RAB31: variants seen among roughly 807,000 people sequenced by gnomAD.
The protein encoded by RAB31 is RAB31, member RAS oncogene family.
In RAB31, 21 loss-of-function variants were observed where a neutral mutation model predicts 25.6. That is an observed-to-expected ratio of 0.82 (90% CI 0.58 to 1.18). The LOEUF is 1.18. Among genes scored for constraint, RAB31 ranks in the 50% most tolerant of loss-of-function variants. The pLI, the probability that RAB31 is intolerant of heterozygous loss-of-function variation, is 0.00. For missense variants in RAB31, 196 were observed against 250.1 expected, an observed-to-expected ratio of 0.78 and a Z score of 1.46; for synonymous variants, 87 against 84.0, an observed-to-expected ratio of 1.04 and a Z score of -0.20.
intron 1 of RAB31, among the ~76,000 whole-genome samples, chr18:9,751,072 T>G (rs2068232586): frequency 6.6e-6 from 1 of 152,202 alleles, no homozygotes; most frequent in Non-Finnish European, 1.5e-5. Context: ...TCTCGCATGG[T>G]CACCCGGGCT....
chr18:9,759,337 A>AT (rs987370280), intron 1 of RAB31, among the ~76,000 whole-genome samples: 5 of 151,882 alleles, frequency 3.3e-5, no homozygotes, highest in Non-Finnish European at 4.4e-5. Context: ...TGCCTGGCTA[A>AT]TTTTTTGATT....
chr18:9,797,980 A>T (rs2068495075), intron 3 of RAB31, among the ~76,000 whole-genome samples: 2 of 152,208 alleles, frequency 1.3e-5, no homozygotes, highest in African/African-American at 4.8e-5. Context: ...AAGTTTTCAG[A>T]TGACCATATT....
At chr18:9,728,426 A>C (rs2068105749) in intron 1 of RAB31, among the ~76,000 whole-genome samples, 1 of 152,260 alleles carries the variant, frequency 6.6e-6, no homozygotes, top group African/African-American at 2.4e-5. Flanking sequence ...GATATCTAAA[A>C]AGATATTGCA....
intron 1 of RAB31, among the ~76,000 whole-genome samples, chr18:9,757,731 T>C (rs2068267159): frequency 6.6e-6 from 1 of 152,190 alleles, no homozygotes; most frequent in Non-Finnish European, 1.5e-5. Flanking sequence ...TCAGATCCCC[T>C]TTGGGGAATG....
In RAB31 at chr18:9,833,463, C is replaced by T. The variant is rs895881427; in HGVS notation, c.381-12119C>T. Among the ~76,000 whole-genome samples the T allele has an allele frequency of 3.3e-5, 5 of 152,196 alleles. No homozygotes were observed. In the South Asian group the frequency reaches 8.3e-4, roughly 25 times the overall value. Reference sequence around the variant, plus strand: ...GTTTTCCCTGTAACCAGGTCCTGAACGCCCAGAGCCTCAGCAGAACATCAG... The same window carrying T: ...GTTTTCCCTGTAACCAGGTCCTGAATGCCCAGAGCCTCAGCAGAACATCAG... On this transcript the variant is annotated intron_variant, in intron 5 of 6. Coordinates refer to ENST00000578921, the MANE Select transcript of RAB31 (RefSeq NM_006868.4).
chr18:9,815,159 A>T lies in RAB31; in HGVS notation c.317A>T (p.Glu106Val), dbSNP rs1344412795. ...TLKKWVKELK[E>V]HGPENIVMAI... ...AAGAAATGGGTCAAGGAGCTGAAAG[A>T]ACATGGTCCAGAAAACATTGTAATG... Residue 106 changes from glutamate to valine, a missense_variant, in exon 5 of 7, where the codon GAA becomes GTA. Coordinates refer to ENST00000578921, the MANE Select transcript of RAB31 (RefSeq NM_006868.4). The T allele has an allele frequency of 6.4e-7, 1 of 1,557,122 alleles. No homozygotes were observed. Among genetic ancestry groups the T allele is most frequent in the Non-Finnish European group, 8.7e-7 (1 of 1,149,272 alleles).
intron 1 of RAB31, chr18:9,723,468 T>C (rs950153067): frequency 6.6e-6 from 1 of 152,222 alleles, no homozygotes; most frequent in Non-Finnish European, 1.5e-5. Context: ...TAAAAATACC[T>C]CTATTTAAAA....
At chr18:9,778,655 G>A (rs1355594009) in intron 2 of RAB31, among the ~76,000 whole-genome samples, 1 of 152,152 alleles carries the variant, frequency 6.6e-6, no homozygotes, top group African/African-American at 2.4e-5. Flanking sequence ...ATTTTTAGTA[G>A]GAACGGGGTT....
chr18:9,797,670 C>G (rs941447317), intron 3 of RAB31, among the ~76,000 whole-genome samples: 6 of 152,148 alleles, frequency 3.9e-5, no homozygotes, highest in African/African-American at 1.4e-4. Flanking sequence ...GTAAAACTAT[C>G]CAAACTCCCA....
intron 1 of RAB31, among the ~76,000 whole-genome samples, chr18:9,769,322 C>T (rs1260469483): frequency 6.6e-6 from 1 of 152,172 alleles, no homozygotes; most frequent in Non-Finnish European, 1.5e-5. Flanking sequence ...TCTTCCTATC[C>T]ATGAGCATGG....
chr18:9,857,949 T>C (rs1054055109), intron 6 of RAB31, among the ~76,000 whole-genome samples: 1 of 152,044 alleles, frequency 6.6e-6, no homozygotes, highest in East Asian at 1.9e-4. Flanking sequence ...AGGATCCCTT[T>C]AGCCCCGGAA....
intron 2 of RAB31, among the ~76,000 whole-genome samples, chr18:9,781,492 T>C (rs866302028): frequency 4.6e-5 from 7 of 152,304 alleles, no homozygotes; most frequent in Middle Eastern, 3.4e-3. Flanking sequence ...GATGTATTTT[T>C]AGTAGAGACA....
intron 5 of RAB31, among the ~76,000 whole-genome samples, chr18:9,832,417 C>A (rs1380627100): frequency 6.6e-6 from 1 of 152,230 alleles, no homozygotes; most frequent in Non-Finnish European, 1.5e-5. Context: ...CGGTTCACAG[C>A]ACGAAGATCA....
chr18:9,727,008 G>A (rs1223408716), intron 1 of RAB31, among the ~76,000 whole-genome samples: 3 of 152,122 alleles, frequency 2.0e-5, no homozygotes, highest in East Asian at 1.9e-4. Flanking sequence ...CTTACTGTAG[G>A]ATCTTTGTTT....
Position 9,792,235 on chromosome 18 carries a change from G to A in RAB31, c.201G>A (p.Arg67=), listed in dbSNP as rs1299138415. 1 of 1,610,464 alleles carries A rather than the reference G, an allele frequency of 6.2e-7. No homozygotes were observed. The highest frequency in any genetic ancestry group is 2.2e-5 in the East Asian group (1 of 44,844). Residue 67 remains arginine, a splice_region_variant and synonymous_variant, in exon 3 of 7, where the codon CGG becomes CGA. Coordinates refer to ENST00000578921, the MANE Select transcript of RAB31 (RefSeq NM_006868.4). ...FLIWDTAGQE[R]FHSLAPMYYR... ...TCTGGGACACTGCTGGTCAGGAACG[G>A]GTGAGTATATGCTGTTTTTTGGTGA...
At chr18:9,858,113 G>A (rs2068828357) in intron 6 of RAB31, among the ~76,000 whole-genome samples, 2 of 152,168 alleles carry the variant, frequency 1.3e-5, no homozygotes, top group African/African-American at 4.8e-5. Context: ...GAGACCTAAT[G>A]TGGTTCAGTG....
intron 5 of RAB31, among the ~76,000 whole-genome samples, chr18:9,841,691 G>A (rs2143128455): frequency 6.6e-6 from 1 of 152,296 alleles, no homozygotes; most frequent in African/African-American, 2.4e-5. Flanking sequence ...GCAGGAACAA[G>A]GAACAGTAGC....
At chr18:9,740,668 G>T (rs917001671) in intron 1 of RAB31, among the ~76,000 whole-genome samples, 4 of 151,860 alleles carry the variant, frequency 2.6e-5, no homozygotes, top group Non-Finnish European at 4.4e-5. Context: ...AGCCAAGATT[G>T]CACCACTGCA....
chr18:9,837,841 C>G (rs1470467500), intron 5 of RAB31, among the ~76,000 whole-genome samples: 1 of 152,162 alleles, frequency 6.6e-6, no homozygotes, highest in East Asian at 1.9e-4. Flanking sequence ...GTTGGCTGAT[C>G]TGGCCTGTGC....
Sources: gnomAD v4.1 joint callset for allele counts (sites outside exome capture counted in the v4.1 genomes callset) on GRCh38, gnomAD v4.1.1 for gene constraint, MANE v1.5 for transcripts, NCBI Gene and HGNC (gene_info 2026-07-23, HGNC 2026-07-21) for gene names.